Variants in CDC45 observed in about 807,000 individuals in gnomAD.
CDC45 encodes cell division cycle 45, also known as cell division control protein 45 homolog.
In CDC45, 54 loss-of-function variants were observed where a neutral mutation model predicts 77.8. The ratio of observed to expected loss-of-function variants is 0.69; its 90% CI spans 0.56 to 0.87. The LOEUF is 0.87. Ranked by LOEUF, CDC45 falls within the 40% of genes least tolerant of loss-of-function variation. The pLI is 0.00. For synonymous variants in CDC45, 260 were observed against 272.1 expected (o/e 0.96, Z 0.44); for missense variants, 649 against 721.6 (o/e 0.90, Z 1.15).
intron 2 of CDC45, among the ~76,000 whole-genome samples, chr22:19,480,658 G>A (rs1176842822): frequency 6.6e-6 from 1 of 152,152 alleles, no homozygotes; most frequent in African/African-American, 2.4e-5. Context: ...TTTTGAATAG[G>A]GCATAGTATT....
At chr22:19,518,705 T>C (rs1414293655) in intron 17 of CDC45, 139 bp from the exon 18 acceptor site, 9 of 700,524 alleles carry the variant, frequency 1.3e-5, no homozygotes, top group South Asian at 1.1e-4. Context: ...ACACAACCAC[T>C]GAGTGCAGAA....
At chr22:19,508,734 G>C in intron 13 of CDC45, 43 bp downstream of exon 13, 1 of 1,596,428 alleles carries the variant, frequency 6.3e-7, no homozygotes, top group Non-Finnish European at 8.6e-7. Flanking sequence ...GCCACCACTG[G>C]TTCTCACACT....
In CDC45 at chr22:19,479,952, G is replaced by T. The variant is rs749801430; in HGVS notation, c.-17G>T. On this transcript the variant is annotated 5_prime_UTR_variant, in exon 1 of 19. Transcript: ENST00000263201. ...TGGTACCTCAGCGCGAGCGCCAGGC[G>T]TCCGGCCGCCGTGGCTATGTTCGTG... 2.5e-6 allele frequency: 4 copies of T among 1,612,638 alleles called. No individual in the cohort carries two copies. In the South Asian group the frequency reaches 4.4e-5, roughly 18 times the overall value.
At chr22:19,494,424 C>T (rs780668675) in intron 6 of CDC45, 42 bp downstream of exon 6, 60 of 1,607,730 alleles carry the variant, frequency 3.7e-5, no homozygotes, top group South Asian at 2.3e-4. Flanking sequence ...CAGAAGCCCA[C>T]TTGCCTGGGG....
In CDC45 at chr22:19,515,056, G is replaced by A; in HGVS notation, c.1440+8G>A. The A allele has an allele frequency of 6.3e-7, 1 of 1,593,090 alleles. No homozygotes were observed. Among genetic ancestry groups the A allele is most frequent in the South Asian group, 1.1e-5 (1 of 87,484 alleles). ...AAGTCCTTTGTGTGTTCGGTGAGGG[G>A]CCAGGCGGGTGCTGTGGGTACAGGA... On this transcript the variant is annotated splice_region_variant and intron_variant, in intron 15 of 18. Transcript: ENST00000263201.
At chr22:19,507,304 T>G in intron 10 of CDC45, 82 bp from the exon 11 acceptor site, 1 of 1,531,718 alleles carries the variant, frequency 6.5e-7, no homozygotes, top group Non-Finnish European at 8.9e-7. Context: ...GGCCCCGCCA[T>G]CAGAGTGGCC....
intron 11 of CDC45, 46 bp from the exon 12 acceptor site, chr22:19,507,720 G>A (rs1213405285): frequency 8.2e-6 from 12 of 1,459,008 alleles, no homozygotes; most frequent in Admixed American, 2.0e-5. Context: ...CCACCCTGTC[G>A]GTGTGTGGTG....
intron 12 of CDC45, 126 bp from the exon 13 acceptor site, chr22:19,508,404 G>A: frequency 1.0e-6 from 1 of 1,000,756 alleles, no homozygotes; most frequent in Non-Finnish European, 1.5e-6. Context: ...CATCCTCTGA[G>A]CAGCATGGCT....
At chr22:19,485,139 A>G (rs1316184170) in intron 5 of CDC45, among the ~76,000 whole-genome samples, 1 of 151,834 alleles carries the variant, frequency 6.6e-6, no homozygotes, top group African/African-American at 2.4e-5. Context: ...TTTATATAGC[A>G]TTCTTTTAAC....
chr22:19,494,333 G>A lies in CDC45; in HGVS notation c.493G>A (p.Val165Met). ...CTCTTTGTCCCTGTATCAGGAGATA[G>A]TGGAGCAAACCATGCGGAGGAGGCA... ...EKRTRLEEEIVEQTMRRRQRR... is the reference protein window; with the variant it reads ...EKRTRLEEEIMEQTMRRRQRR... The change falls in exon 6 of 19, where the codon GTG becomes ATG. Residue 165 changes from valine to methionine, a missense_variant. Transcript: ENST00000263201. 2 of 1,612,772 alleles carry A rather than the reference G, an allele frequency of 1.2e-6. No homozygotes were observed. Among genetic ancestry groups the A allele is most frequent in the Non-Finnish European group, 1.7e-6 (2 of 1,179,982 alleles).
At chr22:19,493,628 G>T (rs574146487) in intron 5 of CDC45, among the ~76,000 whole-genome samples, 61 of 152,188 alleles carry the variant, frequency 4.0e-4, no homozygotes, top group African/African-American at 1.5e-3. Flanking sequence ...ATTTTAAGTA[G>T]AGACGGGGTT....
chr22:19,510,310 A>G (rs921287648), intron 13 of CDC45, among the ~76,000 whole-genome samples: 1 of 152,110 alleles, frequency 6.6e-6, no homozygotes, highest in African/African-American at 2.4e-5. Flanking sequence ...TTGTGCAGCA[A>G]TCACCACTAT....
chr22:19,504,793 G>A (rs1217857247), intron 9 of CDC45, among the ~76,000 whole-genome samples: 2 of 152,128 alleles, frequency 1.3e-5, no homozygotes, highest in East Asian at 3.9e-4. Flanking sequence ...TATCTCAAAG[G>A]GAAAACAGCA....
upstream of CDC45, chr22:19,479,824 A>G: frequency 3.6e-6 from 3 of 828,026 alleles, no homozygotes; most frequent in Non-Finnish European, 2.0e-6. Flanking sequence ...TGGCCCAATC[A>G]GAAAGAAAGG....
intron 13 of CDC45, among the ~76,000 whole-genome samples, chr22:19,508,913 TC>T (rs1464861001): frequency 2.0e-5 from 3 of 152,240 alleles, no homozygotes; most frequent in East Asian, 1.9e-4. Context: ...GGCTTTTTTT[TC>T]TTTTTGATTT....
At chr22:19,510,920 C>T (rs1045338402) in intron 13 of CDC45, among the ~76,000 whole-genome samples, 1 of 152,178 alleles carries the variant, frequency 6.6e-6, no homozygotes, top group Admixed American at 6.5e-5. Flanking sequence ...TTTGTTTCCA[C>T]CTATTGACAA....
At chr22:19,502,539 C>A (rs557697162) in intron 9 of CDC45, among the ~76,000 whole-genome samples, 2 of 152,260 alleles carry the variant, frequency 1.3e-5, no homozygotes, top group Non-Finnish European at 2.9e-5. Flanking sequence ...GCTTTTACTG[C>A]AGAACTCTAG....
At chr22:19,483,771 A>T in intron 4 of CDC45, 91 bp from the exon 5 acceptor site, 2 of 1,238,696 alleles carry the variant, frequency 1.6e-6, no homozygotes, top group South Asian at 2.7e-5. Context: ...GAGTCAGCTT[A>T]TTAGGAAATG....
At chr22:19,494,413 C>T (rs533222403) in intron 6 of CDC45, 31 bp downstream of exon 6, 3 of 1,611,490 alleles carry the variant, frequency 1.9e-6, no homozygotes, top group African/African-American at 1.3e-5. Flanking sequence ...GCTCCCAGCA[C>T]CAGAAGCCCA....
Sources: gnomAD v4.1 joint callset for allele counts (sites outside exome capture counted in the v4.1 genomes callset) on GRCh38, gnomAD v4.1.1 for gene constraint, MANE v1.5 for transcripts, NCBI Gene and HGNC (gene_info 2026-07-23, HGNC 2026-07-21) for gene names.